CCDC144A: variants seen among roughly 807,000 people sequenced by gnomAD.
CCDC144A encodes coiled-coil domain-containing protein 144A.
In CCDC144A, 41 loss-of-function variants were observed where a neutral mutation model predicts 143.8. The ratio of observed to expected loss-of-function variants is 0.29; its 90% confidence interval spans 0.22 to 0.37. The LOEUF (loss-of-function observed/expected upper bound fraction) is 0.37, where lower values mean the gene tolerates loss of function less well. Ranked by LOEUF, CCDC144A falls within the 10% of genes least tolerant of loss-of-function variation. The pLI is 1.00. For missense variants in CCDC144A, 637 were observed against 1,488.8 expected (o/e 0.43, Z 9.41); for synonymous variants, 242 against 517.9 (o/e 0.47, Z 7.23).
At chr17:16,672,769 A>G in the CCDC144A span, among the ~76,000 whole-genome samples, 1 of 152,162 alleles carries the variant, frequency 6.6e-6, no homozygotes, top group Non-Finnish European at 1.5e-5. Context: ...AATTCTAAGA[A>G]TTTGCTCATA....
intron 12 of CCDC144A, among the ~76,000 whole-genome samples, chr17:16,743,468 C>T (rs1004617301): frequency 5.0e-4 from 76 of 152,000 alleles, no homozygotes; most frequent in Non-Finnish European, 9.1e-4. Flanking sequence ...TATACCAAGA[C>T]CTTGCTCTTT....
chr17:16,675,333 G>A, the CCDC144A span, among the ~76,000 whole-genome samples: 1 of 150,246 alleles, frequency 6.7e-6, no homozygotes, highest in Non-Finnish European at 1.5e-5. Context: ...AAGTATTCAG[G>A]GATAAAGAGA....
chr17:16,690,833 G>T, intron 1 of CCDC144A, 89 bp downstream of exon 1: 1 of 1,329,340 alleles, frequency 7.5e-7, no homozygotes, highest in Non-Finnish European at 1.0e-6. Context: ...ATGGGGAAAC[G>T]TCAGAGGGGT....
chr17:16,699,475 A>AAG (rs1911601031), intron 2 of CCDC144A, among the ~76,000 whole-genome samples: 1 of 109,666 alleles, frequency 9.1e-6, no homozygotes, highest in African/African-American at 3.7e-5. Context: ...TCCCGGGTTC[A>AAG]CACCATTCTC....
chr17:16,670,774 G>A, the CCDC144A span, among the ~76,000 whole-genome samples: 1 of 151,912 alleles, frequency 6.6e-6, no homozygotes, highest in Non-Finnish European at 1.5e-5. Context: ...CTCCAAAAGG[G>A]CCGGGATTAA....
chr17:16,669,685 T>A, the CCDC144A span, among the ~76,000 whole-genome samples: 1 of 152,226 alleles, frequency 6.6e-6, no homozygotes. Flanking sequence ...TTAAATGTAG[T>A]AGCCATGTGT....
At chr17:16,743,924 G>A (rs1383311809) in intron 12 of CCDC144A, among the ~76,000 whole-genome samples, 3 of 152,228 alleles carry the variant, frequency 2.0e-5, no homozygotes, top group Admixed American at 6.5e-5. Context: ...TTATAAGTGA[G>A]AACATGTAGT....
intron 14 of CCDC144A, among the ~76,000 whole-genome samples, chr17:16,763,316 C>T (rs1170501013): frequency 2.0e-5 from 3 of 151,244 alleles, no homozygotes; most frequent in African/African-American, 4.9e-5. Flanking sequence ...GAAAAGTCGC[C>T]GTGAATGATT....
In CCDC144A at chr17:16,690,625, C is replaced by G; in HGVS notation, c.225C>G (p.Asp75Glu). The G allele has an allele frequency of 6.2e-7, 1 of 1,613,756 alleles. No individual in the cohort carries two copies. The highest frequency in any genetic ancestry group is 8.5e-7 in the Non-Finnish European group (1 of 1,179,864). Reference sequence around the variant, plus strand: ...GCGCCTTAGACCAGCCCCAGCACGACGTCCGCCTGGAAGATCTTGGCGAGC... The same window carrying G: ...GCGCCTTAGACCAGCCCCAGCACGAGGTCCGCCTGGAAGATCTTGGCGAGC... ...GEGALDQPQH[D>E]VRLEDLGELH... Residue 75 changes from aspartate to glutamate, a missense_variant, in exon 1 of 17, where the codon GAC (aspartate) becomes GAG (glutamate). Physicochemically the swap from Asp to Glu is conservative, Grantham distance 45. Coordinates refer to ENST00000399273, the MANE Select transcript of CCDC144A (RefSeq NM_001382000.1).
chr17:16,689,409 G>GCCTCAAACTCCTGA (rs1345590971), upstream of CCDC144A: 6 of 152,244 alleles, frequency 3.9e-5, no homozygotes, highest in Non-Finnish European at 8.8e-5. Flanking sequence ...GGCCAGGCTG[G>GCCTCAAACTCCTGA]CCTCAAACTC....
At chr17:16,750,973 C>G (rs933997976) in intron 12 of CCDC144A, among the ~76,000 whole-genome samples, 15 of 152,302 alleles carry the variant, frequency 9.8e-5, no homozygotes, top group African/African-American at 3.1e-4. Flanking sequence ...TCTTTAATCT[C>G]ATTGAGCTTT....
At chr17:16,745,891 C>T in intron 12 of CCDC144A, 1 of 1,596,196 alleles carries the variant, frequency 6.3e-7, no homozygotes, top group South Asian at 1.1e-5. Flanking sequence ...TGGCCAGGTC[C>T]TTTCCCCCAT....
At chr17:16,699,374 C>T (rs1275949322) in intron 2 of CCDC144A, among the ~76,000 whole-genome samples, 2 of 149,958 alleles carry the variant, frequency 1.3e-5, no homozygotes, top group Non-Finnish European at 3.0e-5. Context: ...GTTTTTTGGA[C>T]TTTTTTTGTT....
At chr17:16,750,474 T>G (rs562952555) in intron 12 of CCDC144A, among the ~76,000 whole-genome samples, 1 of 148,552 alleles carries the variant, frequency 6.7e-6, no homozygotes, top group Non-Finnish European at 1.5e-5. Flanking sequence ...GCAGCTGTTA[T>G]AGCTGCCTGT....
At chr17:16,749,230 G>T (rs1024940595) in intron 12 of CCDC144A, among the ~76,000 whole-genome samples, 3 of 152,018 alleles carry the variant, frequency 2.0e-5, no homozygotes, top group Non-Finnish European at 4.4e-5. Flanking sequence ...TATTTGTTTT[G>T]CACTATAAGC....
intron 15 of CCDC144A, chr17:16,765,132 C>A (rs1300158193): frequency 1.9e-5 from 2 of 105,748 alleles, no homozygotes; most frequent in Non-Finnish European, 3.6e-5. Context: ...CGAGCTGTAT[C>A]AACTATAGAG....
At chr17:16,766,374 A>AT (rs1395664064) in intron 15 of CCDC144A, 2 of 152,278 alleles carry the variant, frequency 1.3e-5, no homozygotes, top group Admixed American at 1.3e-4. Context: ...GGCCCAAGAT[A>AT]TTTTCCTTTC....
intron 15 of CCDC144A, chr17:16,766,458 T>C (rs1434776381): frequency 1.3e-5 from 2 of 152,346 alleles, no homozygotes; most frequent in Non-Finnish European, 2.9e-5. Flanking sequence ...AAAGCAGATG[T>C]AGGCCGGGCA....
At chr17:16,711,357 A>C (rs1349447072) in intron 5 of CCDC144A, among the ~76,000 whole-genome samples, 2 of 151,964 alleles carry the variant, frequency 1.3e-5, no homozygotes, top group African/African-American at 4.8e-5. Context: ...GTAAAAATTC[A>C]TAATACATAG....
Sources: gnomAD v4.1 joint callset for allele counts (sites outside exome capture counted in the v4.1 genomes callset) on GRCh38, gnomAD v4.1.1 for gene constraint, MANE v1.5 for transcripts, NCBI Gene and HGNC (gene_info 2026-07-23, HGNC 2026-07-21) for gene names.